ACACA: variants seen among roughly 807,000 people sequenced by gnomAD.
The protein encoded by ACACA is acetyl-CoA carboxylase 1.
Under a neutral mutation model 296.1 loss-of-function variants are expected in ACACA, and 103 were observed. The observed-to-expected ratio is 0.35, with a 90% confidence interval of 0.30 to 0.41. The LOEUF (loss-of-function observed/expected upper bound fraction) is 0.41. Ranked by LOEUF, ACACA falls within the 10% of genes least tolerant of loss-of-function variation. The pLI, the probability that ACACA is intolerant of heterozygous loss-of-function variation, is 1.00. For missense variants in ACACA, 1,554 were observed against 2,989.7 expected (o/e 0.52, Z 11.20); for synonymous variants, 953 against 1,038.6 (o/e 0.92, Z 1.58).
chr17:37,347,297 A>G (rs1199347434), intron 1 of ACACA, among the ~76,000 whole-genome samples: 1 of 152,186 alleles, frequency 6.6e-6, no homozygotes, highest in Non-Finnish European at 1.5e-5. Context: ...CCCTGGCCAT[A>G]TAGCACAGTA....
rs2073066130 is a variant in ACACA at position 37,097,531 on chromosome 17, C to G, written c.6720+299G>C. 6.6e-6 allele frequency among the ~76,000 whole-genome samples: 1 copy of G among 152,182 alleles called. No homozygotes were observed. The highest frequency in any genetic ancestry group is 1.5e-5 in the Non-Finnish European group (1 of 68,034). On this transcript the variant is annotated intron_variant, in intron 53 of 55. Transcript: ENST00000616317. The surrounding 1 kb of genome is among the most constrained non-coding windows in gnomAD (Gnocchi z 4.8). ...ATTAGCTGCTGCGGGAGCCTTGACC[C>G]TATAGTAACCCACATCCTGAGGACC...
At position 37,127,587 on chromosome 17, in the gene ACACA, C is replaced by A. The variant is rs560244365; in HGVS notation, c.5944+1778G>T. Among the ~76,000 whole-genome samples, 11 of 152,214 alleles carry A rather than the reference C, an allele frequency of 7.2e-5. 1 individual carries two copies. The East Asian group carries it at 2.1e-3, about 29-fold the overall frequency. On this transcript the variant is annotated intron_variant, in intron 47 of 55. Transcript: ENST00000616317. ...ATTTTAAGACTGACAGGTGGCCGGG[C>A]GCGGTGGCTCACGCCTATAATCCCA...
At chr17:37,206,981 G>A in intron 31 of ACACA, 102 bp from the exon 32 acceptor site, 1 of 1,079,748 alleles carries the variant, frequency 9.3e-7, no homozygotes, top group Non-Finnish European at 1.4e-6. Context: ...TCTTAGCCTG[G>A]GCTCAATAGT....
At chr17:37,390,146 A>G (rs1425823268) in intron 1 of ACACA, among the ~76,000 whole-genome samples, 1 of 25,226 alleles carries the variant, frequency 4.0e-5, no homozygotes, top group Non-Finnish European at 5.5e-5. Flanking sequence ...AAAAGTATAT[A>G]TATATATATA....
chr17:37,258,469 C>T, intron 12 of ACACA, 96 bp from the exon 13 acceptor site: 2 of 1,198,484 alleles, frequency 1.7e-6, no homozygotes, highest in East Asian at 2.4e-5. Context: ...ATTTTTGGAG[C>T]CACTCCCTAA....
At chr17:37,384,914 C>T (rs1257320390) in intron 1 of ACACA, among the ~76,000 whole-genome samples, 2 of 152,118 alleles carry the variant, frequency 1.3e-5, no homozygotes, top group Admixed American at 1.3e-4. Context: ...AATTTATAGA[C>T]CTTAATTTAA....
chr17:37,148,451 G>A (rs2075905499), intron 45 of ACACA, among the ~76,000 whole-genome samples: 3 of 152,278 alleles, frequency 2.0e-5, no homozygotes, highest in Admixed American at 2.0e-4. Context: ...AGAGCAAGCT[G>A]ATCGCATCAA....
chr17:37,151,346 A>G lies in ACACA; in HGVS notation c.5523T>C (p.Ala1841=). The G allele has an allele frequency of 6.2e-7, 1 of 1,614,084 alleles. No individual in the cohort carries two copies. The highest frequency in any genetic ancestry group is 8.5e-7 in the Non-Finnish European group (1 of 1,179,996). ...CATTATAGGCCAATGAGGATTCTCCAGCAATCATTCCAGAACCTCGAAGGT... is the reference window on the plus strand; with the variant it reads ...CATTATAGGCCAATGAGGATTCTCCGGCAATCATTCCAGAACCTCGAAGGT... The part of the protein sequence containing the change: ...PENLRGSGMI[A]GESSLAYNEI... Residue 1841 remains alanine, a synonymous_variant, in exon 44 of 56, where the codon GCT becomes GCC. Coordinates refer to ENST00000616317, the MANE Select transcript of ACACA (RefSeq NM_198834.3).
At chr17:37,353,219 CT>C (rs1189684925) in intron 1 of ACACA, among the ~76,000 whole-genome samples, 1 of 152,134 alleles carries the variant, frequency 6.6e-6, no homozygotes, top group African/African-American at 2.4e-5. Context: ...TTTCTTGCTG[CT>C]AATCTACTGA....
chr17:37,186,965 G>C (rs1196146744), intron 39 of ACACA, among the ~76,000 whole-genome samples: 1 of 151,466 alleles, frequency 6.6e-6, no homozygotes, highest in Non-Finnish European at 1.5e-5. Context: ...AAAATCTCAA[G>C]TGGCCATCTT....
chr17:37,310,239 A>T (rs2084066771), intron 3 of ACACA, among the ~76,000 whole-genome samples: 1 of 152,142 alleles, frequency 6.6e-6, no homozygotes, highest in South Asian at 2.1e-4. Context: ...AATCAACCAA[A>T]CTGAAGTACA....
At chr17:37,306,381 T>C (rs2146952293) in intron 3 of ACACA, among the ~76,000 whole-genome samples, 1 of 152,294 alleles carries the variant, frequency 6.6e-6, no homozygotes, top group Non-Finnish European at 1.5e-5. Context: ...CTGTTTTATT[T>C]ACTTTTTAAT....
At chr17:37,392,746 A>T (rs994697956) in intron 1 of ACACA, 1 of 152,184 alleles carries the variant, frequency 6.6e-6, no homozygotes, top group Non-Finnish European at 1.5e-5. Flanking sequence ...CAATACCAAC[A>T]GGGGAAAATC....
chr17:37,240,380 G>T, intron 24 of ACACA, 96 bp downstream of exon 24: 1 of 1,020,262 alleles, frequency 9.8e-7, no homozygotes, highest in Non-Finnish European at 1.5e-6. Context: ...GTTGACAGGA[G>T]GGGGCTTAGC....
chr17:37,264,495 A>G (rs1598351487), intron 10 of ACACA, among the ~76,000 whole-genome samples: 1 of 151,766 alleles, frequency 6.6e-6, no homozygotes, highest in South Asian at 2.1e-4. Flanking sequence ...CTGGTTTAAG[A>G]TTTTCTCTCT....
chr17:37,211,104 T>C (rs2078730808), intron 29 of ACACA, among the ~76,000 whole-genome samples: 1 of 152,142 alleles, frequency 6.6e-6, no homozygotes, highest in Non-Finnish European at 1.5e-5. Flanking sequence ...GGGGGGAAGG[T>C]ACTGTATTCT....
chr17:37,304,666 G>A (rs1467319473), intron 3 of ACACA, among the ~76,000 whole-genome samples: 1 of 151,952 alleles, frequency 6.6e-6, no homozygotes, highest in African/African-American at 2.4e-5. Context: ...GGTGGTGCAC[G>A]CCTGTACCAG....
chr17:37,241,674 T>G (rs980619202), intron 23 of ACACA, among the ~76,000 whole-genome samples: 2 of 152,038 alleles, frequency 1.3e-5, no homozygotes, highest in Non-Finnish European at 2.9e-5. Context: ...GCCACTGCAC[T>G]CCAGTCGGGG....
intron 35 of ACACA, among the ~76,000 whole-genome samples, chr17:37,198,382 C>T (rs1020606228): frequency 1.3e-5 from 2 of 152,086 alleles, no homozygotes; most frequent in Admixed American, 6.6e-5. Flanking sequence ...ATTCTAAAGT[C>T]GGTGATAAAA....
Sources: gnomAD v4.1 joint callset for allele counts (sites outside exome capture counted in the v4.1 genomes callset) on GRCh38, gnomAD v4.1.1 for gene constraint, Gnocchi (gnomAD v3.1) non-coding constraint, MANE v1.5 for transcripts, NCBI Gene and HGNC (gene_info 2026-07-23, HGNC 2026-07-21) for gene names.